SIGLEC10: variants seen among roughly 807,000 people sequenced by gnomAD.
SIGLEC10 encodes the protein sialic acid-binding Ig-like lectin 10.
SIGLEC10 carries 45 observed loss-of-function variants against 68.3 expected under a neutral mutation model. The ratio of observed to expected loss-of-function variants is 0.66; its 90% confidence interval spans 0.52 to 0.84. The LOEUF is 0.84. Ranked by LOEUF, SIGLEC10 falls within the 40% of genes least tolerant of loss-of-function variation. The pLI, the probability that SIGLEC10 is intolerant of heterozygous loss-of-function variation, is 0.00. For synonymous variants in SIGLEC10, 379 were observed against 370.8 expected (o/e 1.02, Z -0.26); for missense variants, 789 against 883.1 (o/e 0.89, Z 1.35).
rs1409120438 is a variant in SIGLEC10, at chr19:51,415,207, T to C, written c.1304A>G (p.His435Arg). Reference protein sequence around the residue: ...CHARHPLGSQHVSLSLSVHYS... With the variant: ...CHARHPLGSQRVSLSLSVHYS... ...GTGCACGGAGAGGCTGAGAGAGACG[T>C]GCTGGGAGCCCAGTGGGTGCCGAGC... Residue 435 changes from histidine (H) to arginine (R), a missense_variant, in exon 7 of 11, where the codon CAC (histidine) becomes CGC (arginine). Coordinates refer to ENST00000339313, the MANE Select transcript of SIGLEC10 (RefSeq NM_033130.5). The C allele has an allele frequency of 4.3e-6, 7 of 1,611,256 alleles. No individual in the cohort carries two copies. Among genetic ancestry groups the C allele is most frequent in the East Asian group, 2.2e-5 (1 of 44,878 alleles).
rs1400895123 is a variant in SIGLEC10, at chr19:51,415,633, G to A, written c.1025-18C>T. 1 of 1,613,900 alleles carries A rather than the reference G, an allele frequency of 6.2e-7. No homozygotes were observed. Among genetic ancestry groups the A allele is most frequent in the East Asian group, 2.2e-5 (1 of 44,874 alleles). On this transcript the variant is annotated intron_variant, in intron 5 of 10. Transcript: ENST00000339313. Reference sequence around the variant, plus strand: ...TGGAGGATCTGAAATGGAGACAGGGGACCGGCTCTAGACGGACCAGGGGCT... The same window carrying A: ...TGGAGGATCTGAAATGGAGACAGGGAACCGGCTCTAGACGGACCAGGGGCT...
In SIGLEC10 at chr19:51,414,266, G is replaced by C. The variant is rs1988302669; in HGVS notation, c.1709+156C>G. The C allele has an allele frequency of 4.6e-6, 3 of 656,870 alleles. No homozygotes were observed. The East Asian group carries it at 8.2e-5, about 18-fold the overall frequency. 40.7% of individuals were successfully genotyped at this position (656,870 alleles called of 1,614,324 possible). A position where few individuals can be genotyped will look rare whatever the true frequency, so the allele number is the denominator to read the frequency against. On this transcript the variant is annotated intron_variant, in intron 9 of 10. Coordinates refer to ENST00000339313, the MANE Select transcript of SIGLEC10 (RefSeq NM_033130.5). This position sits in a 1 kb window ranked among gnomAD's most constrained non-coding sequence, Gnocchi z 4.1. The stretch of plus-strand genomic sequence containing the variant: ...GGAAGCAGACGCAGTTTGTCAGTTG[G>C]ACAACATTCTGCATTTATGAGAACA...
At chr19:51,416,531 C>T (rs763111088) in intron 3 of SIGLEC10, 135 bp downstream of exon 3, 20 of 1,569,176 alleles carry the variant, frequency 1.3e-5, no homozygotes, top group East Asian at 9.3e-5. Context: ...AGGGCTGCGG[C>T]GGCATCCTGG....
At position 51,410,974 on chromosome 19, in the gene SIGLEC10, AAGAGAGAGAG is replaced by A; in HGVS notation, c.*115_*124del. The A allele has an allele frequency of 9.7e-7, 1 of 1,030,074 alleles. No homozygotes were observed. The highest frequency in any genetic ancestry group is 1.7e-5 in the South Asian group (1 of 58,930). The allele number at this position is 1,030,074 out of a possible 1,614,324, so 63.8% of individuals were successfully genotyped here. On this transcript the variant is annotated 3_prime_UTR_variant, in exon 11 of 11. Coordinates refer to ENST00000339313, the MANE Select transcript of SIGLEC10 (RefSeq NM_033130.5). ...CAGATGTTTTTTTAAAAGAGAGAGAAAGAGAGAGAGAGAGAGAAAGAGAGAGAGAGAGGGA... is the reference window on the plus strand; with the variant it reads ...CAGATGTTTTTTTAAAAGAGAGAGAAAGAGAGAAAGAGAGAGAGAGAGGGA...
In SIGLEC10 at chr19:51,416,883, G is replaced by C; in HGVS notation, c.489C>G (p.Ile163Met). The change falls in exon 3 of 11, where the codon ATC becomes ATG. Residue 163 changes from isoleucine (I) to methionine (M), a missense_variant. Transcript: ENST00000339313. ...CCTCAAAGGCCCAGTTAAACACACA[G>C]ATGACCGTCACCGGCTGCCCGGGCT... ...TLEPGQPVTV[I>M]CVFNWAFEEC... 1 of 1,614,180 alleles carries C rather than the reference G, an allele frequency of 6.2e-7. No homozygotes were observed. The highest frequency in any genetic ancestry group is 8.5e-7 in the Non-Finnish European group (1 of 1,180,018).
chr19:51,415,162 T>TC lies in SIGLEC10; in HGVS notation c.1330+18dup. The TC allele has an allele frequency of 6.3e-7, 1 of 1,586,648 alleles. No individual in the cohort carries two copies. Among genetic ancestry groups the TC allele is most frequent in the Non-Finnish European group, 8.6e-7 (1 of 1,166,352 alleles). On this transcript the variant is annotated intron_variant, in intron 7 of 10. Coordinates refer to ENST00000339313, the MANE Select transcript of SIGLEC10 (RefSeq NM_033130.5). ...GGGTCCCCTTCCTGGGACCCAGGTGTCCCCTTTCCCCCACTCACAGTGCAC... is the reference window on the plus strand; with the variant it reads ...GGGTCCCCTTCCTGGGACCCAGGTGTCCCCCTTTCCCCCACTCACAGTGCAC...
Position 51,415,299 on chromosome 19 carries a change from G to C in SIGLEC10, c.1212C>G (p.Pro404=). Residue 404 remains proline (P), a synonymous_variant, in exon 7 of 11, where the codon CCC becomes CCG. Transcript: ENST00000339313. ...GCAGCTCCAGGACCCCGGGGTCTGA[G>C]GGCTGGGAGGGGCTCAGAACCTGTC... ...QRGQVLSPSQ[P]SDPGVLELPR... is the part of the protein sequence containing the mutation. 1.2e-6 allele frequency: 2 copies of C among 1,613,962 alleles called. No individual in the cohort carries two copies. Among genetic ancestry groups the C allele is most frequent in the East Asian group, 2.2e-5 (1 of 44,886 alleles).
chr19:51,411,339 G>A lies in SIGLEC10; in HGVS notation c.1854C>T (p.Asn618=). Residue 618 remains asparagine (N), a synonymous_variant, in exon 11 of 11, where the codon AAC becomes AAT. Transcript: ENST00000339313. ...AQKRNQKATP[N]SPRTPLPPGA... ...CTGGTGGAAGAGGGGTCCGAGGACT[G>A]TTTGGTGTGGCTTTCTGATTCCGCT... The A allele has an allele frequency of 6.2e-7, 1 of 1,614,166 alleles. No individual in the cohort carries two copies. The highest frequency in any genetic ancestry group is 8.5e-7 in the Non-Finnish European group (1 of 1,179,996).
At position 51,414,757 on chromosome 19, in the gene SIGLEC10, A is replaced by C; in HGVS notation, c.1615+67T>G. 3 of 1,599,928 alleles carry C rather than the reference A, an allele frequency of 1.9e-6. No homozygotes were observed. The South Asian group carries it at 3.4e-5, about 18-fold the overall frequency. On this transcript the variant is annotated intron_variant, in intron 8 of 10. Coordinates refer to ENST00000339313, the MANE Select transcript of SIGLEC10 (RefSeq NM_033130.5). The surrounding 1 kb of genome is among the most constrained non-coding windows in gnomAD (Gnocchi z 4.1). ...CCCTCCAAGCTCCTGCTCCAACCACAGGACCCTACTCTTTGCCCCAGTCAG... is the reference window on the plus strand; with the variant it reads ...CCCTCCAAGCTCCTGCTCCAACCACCGGACCCTACTCTTTGCCCCAGTCAG...
chr19:51,416,274 C>A (rs200256024), intron 4 of SIGLEC10, 36 bp downstream of exon 4: 1 of 1,613,566 alleles, frequency 6.2e-7, no homozygotes, highest in African/African-American at 1.3e-5. Flanking sequence ...CATCTAAAGA[C>A]AACTGGCCCA....
rs1974821 is a variant in SIGLEC10 at position 51,414,481 on chromosome 19, G to T, written c.1650C>A (p.Asn550Lys). ...TGATGCCGATTCCCAGAAACGCTCC[G>T]TTGGAGAATGCCGTTGAGATGAGTC... ...KKGLISTAFS[N>K]GAFLGIGITA... Residue 550 changes from asparagine to lysine, a missense_variant, in exon 9 of 11, where the codon AAC becomes AAA. By Grantham distance (94) the Asn-to-Lys change is moderately conservative. Transcript: ENST00000339313. This position sits in a 1 kb window ranked among gnomAD's most constrained non-coding sequence, Gnocchi z 4.1. 5 of 1,613,574 alleles carry T rather than the reference G, an allele frequency of 3.1e-6. No homozygotes were observed. The highest frequency in any genetic ancestry group is 4.5e-5 in the East Asian group (2 of 44,858).
In SIGLEC10 at chr19:51,414,164, T is replaced by C. The variant is rs2123738729; in HGVS notation, c.1709+258A>G. The C allele has an allele frequency of 1.8e-6, 1 of 564,880 alleles. No homozygotes were observed. The highest frequency in any genetic ancestry group is 3.2e-6 in the Non-Finnish European group (1 of 316,032). The allele number at this position is 564,880 out of a possible 1,614,324, so 35.0% of individuals were successfully genotyped here. On this transcript the variant is annotated intron_variant, in intron 9 of 10. Transcript: ENST00000339313. The surrounding 1 kb of genome is among the most constrained non-coding windows in gnomAD (Gnocchi z 4.1). ...TTTAATTGATCACAGGTTCATATTA[T>C]TACTAACAAGCTTCAGCTGTGCCTA...
rs975148710 is a variant in SIGLEC10, at chr19:51,411,204, C to T, written c.1989G>A (p.Glu663=). ...AGTTGAGCGTGGCATAATGGAGCTC[C>T]TCTTGGCTCTCCTGGGATTCTGGGG... ...TQAPESQESQ[E]ELHYATLNFP... is the part of the protein sequence containing the mutation. Residue 663 remains glutamate, a synonymous_variant, in exon 11 of 11, where the codon GAG becomes GAA. Transcript: ENST00000339313. 7 of 1,614,046 alleles carry T rather than the reference C, an allele frequency of 4.3e-6. No homozygotes were observed. The highest frequency in any genetic ancestry group is 1.3e-5 in the African/African-American group (1 of 74,922).
In SIGLEC10 at chr19:51,414,881, G is replaced by T. The variant is rs1833785; in HGVS notation, c.1558C>A (p.Arg520Ser). ...HGGLSSGLRL[R>S]CEAWNVHGAQ... ...CCATGGACGTTCCAGGCCTCACAGC[G>T]GAGCCTGAGGCCGGAGCTGAGCCCT... Residue 520 changes from arginine (R) to serine (S), a missense_variant, in exon 8 of 11, where the codon CGC becomes AGC. Transcript: ENST00000339313. This position sits in a 1 kb window ranked among gnomAD's most constrained non-coding sequence, Gnocchi z 4.1. 0.17 allele frequency: 275,197 copies of T among 1,613,840 alleles called. 25,556 individuals are homozygous for T. Among genetic ancestry groups the T allele is most frequent in the African/African-American group, 0.36 (26,882 of 74,950 alleles).
chr19:51,415,553 T>G lies in SIGLEC10; in HGVS notation c.1072+15A>C. 6.2e-7 allele frequency: 1 copy of G among 1,614,086 alleles called. No homozygotes were observed. Among genetic ancestry groups the G allele is most frequent in the Non-Finnish European group, 8.5e-7 (1 of 1,179,922 alleles). On this transcript the variant is annotated intron_variant, in intron 6 of 10. Transcript: ENST00000339313. ...CGGCACTGAGAGGCCTTGGCTCCTCTGTCCCCTTTCCTACCTGTCCTGTTT... is the reference window on the plus strand; with the variant it reads ...CGGCACTGAGAGGCCTTGGCTCCTCGGTCCCCTTTCCTACCTGTCCTGTTT...
At chr19:51,413,900 G>C in intron 9 of SIGLEC10, 77 bp from the exon 10 acceptor site, 1 of 1,114,776 alleles carries the variant, frequency 9.0e-7, no homozygotes, top group African/African-American at 1.5e-5. Context: ...ACCTGAGACC[G>C]TCACTATGAC....
rs775503930 is a variant in SIGLEC10, at chr19:51,417,561, C to T, written c.21G>A (p.Leu7=). The change falls in exon 1 of 11, where the codon CTG becomes CTA. Residue 7 remains leucine, a synonymous_variant. Transcript: ENST00000339313. MLLPLL[L]SSLLGGSQAM... ...CCCACTCACCGCCCAGCAGCGAGGA[C>T]AGCAGCAGTGGCAGTAGCATCTCCG... The T allele has an allele frequency of 3.7e-6, 6 of 1,614,256 alleles. No individual in the cohort carries two copies. Among genetic ancestry groups the T allele is most frequent in the Non-Finnish European group, 5.1e-6 (6 of 1,180,038 alleles).
Position 51,411,125 on chromosome 19 carries a change from C to A in SIGLEC10, c.2068G>T (p.Asp690Tyr). Residue 690 changes from aspartate to tyrosine, a missense_variant, in exon 11 of 11, where the codon GAT becomes TAT. Asp to Tyr is a radical substitution (Grantham distance 160, BLOSUM62 -3). Transcript: ENST00000339313. ...CATTGGAACTTGACTTCTGCATAAT[C>A]CGCCTGGGTGCCCTTGGGCATCCGG... is the stretch of plus-strand genomic sequence containing the variant. ...EARMPKGTQADYAEVKFQ is the reference protein window; with the variant it reads ...EARMPKGTQAYYAEVKFQ The A allele has an allele frequency of 6.2e-7, 1 of 1,614,044 alleles. No homozygotes were observed. Among genetic ancestry groups the A allele is most frequent in the Non-Finnish European group, 8.5e-7 (1 of 1,179,932 alleles).
chr19:51,416,514 C>A, intron 3 of SIGLEC10, 152 bp downstream of exon 3: 1 of 1,579,366 alleles, frequency 6.3e-7, no homozygotes, highest in Non-Finnish European at 8.6e-7. Flanking sequence ...ATTCCCATCC[C>A]CCTCCCAGGG....
Sources: allele counts gnomAD v4.1 joint callset, GRCh38; gene constraint gnomAD v4.1.1; non-coding constraint Gnocchi (gnomAD v3.1); transcripts MANE v1.5; gene names NCBI Gene and HGNC (gene_info 2026-07-23, HGNC 2026-07-21).